Variants in MDGA2 observed in about 807,000 individuals in gnomAD.
The protein encoded by MDGA2 is MAM domain containing glycosylphosphatidylinositol anchor 2.
A neutral mutation model predicts 117.8 loss-of-function variants in MDGA2; 40 were observed. That is an observed-to-expected ratio of 0.34 (90% CI 0.26 to 0.44). The LOEUF is 0.44. Ranked by LOEUF, MDGA2 falls within the 20% of genes least tolerant of loss-of-function variation. The probability of loss-of-function intolerance (pLI) is 1.00; values close to 1 mark genes in which losing one functional copy is unlikely to be tolerated. For synonymous variants in MDGA2, 452 were observed against 439.0 expected (o/e 1.03, Z -0.37); for missense variants, 1,123 against 1,250.6 (o/e 0.90, Z 1.54).
In MDGA2 at chr14:47,362,442, A is replaced by G. The variant is rs145471464; in HGVS notation, c.281-60892T>C. 3.3e-5 allele frequency among the ~76,000 whole-genome samples: 5 copies of G among 152,274 alleles called. No homozygotes were observed. The East Asian group carries it at 5.8e-4, about 18-fold the overall frequency. ...TGGCTTTAAAATGCATGGATTTGCT[A>G]TAAGTATTCTGCCAAATAAATGGAA... is the stretch of plus-strand genomic sequence containing the variant. On this transcript the variant is annotated intron_variant, in intron 1 of 16. Transcript: ENST00000399232.
At position 47,413,547 on chromosome 14, in the gene MDGA2, G is replaced by A. The variant is rs543602531; in HGVS notation, c.281-111997C>T. 1.4e-4 allele frequency among the ~76,000 whole-genome samples: 21 copies of A among 152,082 alleles called. 1 individual carries two copies. The highest frequency in any genetic ancestry group is 4.6e-4 in the African/African-American group (19 of 41,510). ...GCTAAATAATTGGAAAGAGTCAAAC[G>A]CAGATTACTATTCTGGTTAAAATGT... On this transcript the variant is annotated intron_variant, in intron 1 of 16. Transcript: ENST00000399232.
At chr14:47,128,497 C>T (rs1882018736) in intron 5 of MDGA2, among the ~76,000 whole-genome samples, 1 of 151,768 alleles carries the variant, frequency 6.6e-6, no homozygotes, top group Non-Finnish European at 1.5e-5. Context: ...CTAAGAAAAA[C>T]AAAATTAGTT....
intron 3 of MDGA2, among the ~76,000 whole-genome samples, chr14:47,203,440 G>C (rs1042093252): frequency 6.6e-6 from 1 of 151,958 alleles, no homozygotes; most frequent in African/African-American, 2.4e-5. Flanking sequence ...TGAATACACT[G>C]AGGGAACACA....
intron 8 of MDGA2, among the ~76,000 whole-genome samples, chr14:46,980,201 T>C (rs1362249410): frequency 6.6e-6 from 1 of 152,068 alleles, no homozygotes; most frequent in Non-Finnish European, 1.5e-5. Context: ...TAACAGGAGT[T>C]TGGAAAAAGT....
intron 1 of MDGA2, among the ~76,000 whole-genome samples, chr14:47,380,490 G>T (rs1347727422): frequency 6.6e-6 from 1 of 151,546 alleles, no homozygotes; most frequent in Middle Eastern, 3.4e-3. Flanking sequence ...TAATAAAGAA[G>T]AGAGAAGAAT....
chr14:47,028,899 G>C (rs1448199829), intron 8 of MDGA2, among the ~76,000 whole-genome samples: 1 of 151,922 alleles, frequency 6.6e-6, no homozygotes, highest in Non-Finnish European at 1.5e-5. Context: ...TAGCCTTTTT[G>C]CCTGGCCTAG....
At chr14:47,625,931 G>A (rs1897131510) in intron 1 of MDGA2, among the ~76,000 whole-genome samples, 2 of 152,140 alleles carry the variant, frequency 1.3e-5, no homozygotes, top group Admixed American at 1.3e-4. Context: ...TCTTTATACA[G>A]CTAATTATTC....
chr14:47,343,531 C>A (rs888835606), intron 1 of MDGA2, among the ~76,000 whole-genome samples: 1 of 151,950 alleles, frequency 6.6e-6, no homozygotes, highest in African/African-American at 2.4e-5. Flanking sequence ...TTCTTTTTAG[C>A]TTTATCTTCA....
chr14:47,036,214 G>A (rs1888844804), intron 7 of MDGA2, among the ~76,000 whole-genome samples: 1 of 138,824 alleles, frequency 7.2e-6, no homozygotes, highest in South Asian at 2.3e-4. Flanking sequence ...AGCTTGCAGT[G>A]AGTTGAGATT....
chr14:47,539,806 G>A lies in MDGA2; in HGVS notation c.280+134711C>T, dbSNP rs1230625897. Among the ~76,000 whole-genome samples the A allele has an allele frequency of 3.3e-5, 5 of 152,288 alleles. No homozygotes were observed. The East Asian group carries it at 9.7e-4, about 29-fold the overall frequency. On this transcript the variant is annotated intron_variant, in intron 1 of 16. Transcript: ENST00000399232. ...ATATATGGTTCATACCACAGTCAGTGAAAGCTGAAGTAGTAGCAGTCACCT... is the reference window on the plus strand; with the variant it reads ...ATATATGGTTCATACCACAGTCAGTAAAAGCTGAAGTAGTAGCAGTCACCT...
At chr14:47,287,894 A>C (rs1888744470) in intron 2 of MDGA2, among the ~76,000 whole-genome samples, 1 of 152,160 alleles carries the variant, frequency 6.6e-6, no homozygotes, top group Non-Finnish European at 1.5e-5. Context: ...ATGTGATAAC[A>C]GAGGCAGAGA....
chr14:47,596,759 AATTTTTAAAATATCCTTGTGAGGTTAGT>A (rs1229886654), intron 1 of MDGA2, among the ~76,000 whole-genome samples: 3 of 152,162 alleles, frequency 2.0e-5, no homozygotes, highest in Non-Finnish European at 2.9e-5. Context: ...TGGTTTATTT[AATTTTTAAAATATCCTTGTGAGGTTAGT>A]ATTTTGTTAT....
intron 1 of MDGA2, among the ~76,000 whole-genome samples, chr14:47,527,244 C>G (rs2138724389): frequency 6.6e-6 from 1 of 152,238 alleles, no homozygotes; most frequent in African/African-American, 2.4e-5. Context: ...AAAGCTAATT[C>G]ACATTCATTG....
At chr14:47,048,671 CT>C (rs1889349116) in intron 7 of MDGA2, among the ~76,000 whole-genome samples, 1 of 152,028 alleles carries the variant, frequency 6.6e-6, no homozygotes, top group Non-Finnish European at 1.5e-5. Flanking sequence ...GCTCTCTCAT[CT>C]TTTGTCAAGA....
chr14:46,936,382 A>G (rs1884781814), intron 9 of MDGA2, among the ~76,000 whole-genome samples: 1 of 152,098 alleles, frequency 6.6e-6, no homozygotes, highest in African/African-American at 2.4e-5. Flanking sequence ...ATTAAATAAA[A>G]TATCTTTATT....
chr14:47,554,453 G>T (rs1442464661), intron 1 of MDGA2, among the ~76,000 whole-genome samples: 1 of 152,096 alleles, frequency 6.6e-6, no homozygotes, highest in African/African-American at 2.4e-5. Context: ...CTGGATGAAT[G>T]AATATCTGGT....
intron 1 of MDGA2, among the ~76,000 whole-genome samples, chr14:47,553,217 C>T (rs1435781342): frequency 6.6e-6 from 1 of 152,202 alleles, no homozygotes; most frequent in Non-Finnish European, 1.5e-5. Context: ...CTAACTCTCC[C>T]CGCTAGAATG....
chr14:47,078,349 T>C (rs1321543741), intron 6 of MDGA2, among the ~76,000 whole-genome samples: 2 of 152,150 alleles, frequency 1.3e-5, no homozygotes, highest in Admixed American at 1.3e-4. Context: ...TTTGTAGCAA[T>C]AACTGAGTTT....
chr14:47,191,958 T>C (rs1372853539), intron 3 of MDGA2, among the ~76,000 whole-genome samples: 1 of 152,064 alleles, frequency 6.6e-6, no homozygotes, highest in African/African-American at 2.4e-5. Flanking sequence ...TCCCAGAGAA[T>C]GAGTAACTGA....
Sources: allele counts gnomAD v4.1 joint callset (sites outside exome capture counted in the v4.1 genomes callset), GRCh38; gene constraint gnomAD v4.1.1; transcripts MANE v1.5; gene names NCBI Gene and HGNC (gene_info 2026-07-23, HGNC 2026-07-21).